CDYL: variants seen among roughly 807,000 people sequenced by gnomAD.
CDYL encodes chromodomain Y like.
In CDYL, 8 loss-of-function variants were observed where a neutral mutation model predicts 47.3. That is an observed-to-expected ratio of 0.17 (90% CI 0.10 to 0.31). The LOEUF (loss-of-function observed/expected upper bound fraction) is 0.31. CDYL is among the 10% of genes least tolerant of loss of function. CDYL has a pLI of 1.00. For missense variants in CDYL, 471 were observed against 701.4 expected, an observed-to-expected ratio of 0.67 and a Z score of 3.71; for synonymous variants, 266 against 265.0, an observed-to-expected ratio of 1.00 and a Z score of -0.04.
At chr6:4,828,876 C>CTGTT (rs150610332) in intron 1 of CDYL, among the ~76,000 whole-genome samples, 4,026 of 152,032 alleles carry the variant, frequency 0.026, 175 homozygotes, top group African/African-American at 0.091. Flanking sequence ...TAATTTTTTT[C>CTGTT]TGTTAAAAAC....
At chr6:4,708,056 T>G (rs1757077943) in intron 1 of CDYL, among the ~76,000 whole-genome samples, 1 of 152,200 alleles carries the variant, frequency 6.6e-6, no homozygotes, top group African/African-American at 2.4e-5. Flanking sequence ...CCTTGGAACT[T>G]ACTGAAACTT....
intron 5 of CDYL, among the ~76,000 whole-genome samples, chr6:4,950,801 G>C (rs1227143128): frequency 6.6e-6 from 1 of 152,020 alleles, no homozygotes. Context: ...GCGTGGTGGC[G>C]GGCGCCTGTA....
chr6:4,795,931 A>T (rs901047251), intron 1 of CDYL, among the ~76,000 whole-genome samples: 1 of 151,510 alleles, frequency 6.6e-6, no homozygotes, highest in Non-Finnish European at 1.5e-5. Context: ...TCACTTTCAG[A>T]TTTTTTTTCT....
chr6:4,888,853 T>C (rs1180384059), intron 1 of CDYL, among the ~76,000 whole-genome samples: 1 of 152,198 alleles, frequency 6.6e-6, no homozygotes, highest in Non-Finnish European at 1.5e-5. Context: ...AGGTGGCCCA[T>C]TGATTATTTA....
intron 1 of CDYL, among the ~76,000 whole-genome samples, chr6:4,802,630 T>C (rs1759257247): frequency 6.6e-6 from 1 of 152,206 alleles, no homozygotes; most frequent in African/African-American, 2.4e-5. Flanking sequence ...TTGATATTTT[T>C]AGTTTTGAAA....
chr6:4,917,567 A>T (rs1282539136), intron 2 of CDYL, among the ~76,000 whole-genome samples: 1 of 152,226 alleles, frequency 6.6e-6, no homozygotes, highest in African/African-American at 2.4e-5. Context: ...CTCAAGTTTA[A>T]ACTGTTTCTC....
intron 3 of CDYL, among the ~76,000 whole-genome samples, chr6:4,742,830 G>T (rs977659913): frequency 1.3e-5 from 2 of 152,218 alleles, no homozygotes; most frequent in Non-Finnish European, 2.9e-5. Context: ...TTGGAGATAG[G>T]ATCATCTTGA....
intron 2 of CDYL, among the ~76,000 whole-genome samples, chr6:4,934,861 C>T (rs767595459): frequency 6.6e-6 from 1 of 152,156 alleles, no homozygotes; most frequent in Non-Finnish European, 1.5e-5. Flanking sequence ...TGGCAGGATG[C>T]TTTATGTGGT....
intron 1 of CDYL, among the ~76,000 whole-genome samples, chr6:4,857,957 G>A (rs753127356): frequency 6.6e-6 from 1 of 152,132 alleles, no homozygotes; most frequent in Non-Finnish European, 1.5e-5. Context: ...GATTTGCCAA[G>A]TTGGATTGTA....
intron 1 of CDYL, among the ~76,000 whole-genome samples, chr6:4,881,593 T>C (rs1202792837): frequency 6.6e-6 from 1 of 152,240 alleles, no homozygotes; most frequent in Non-Finnish European, 1.5e-5. Flanking sequence ...TATAATTCAA[T>C]TGAGTTTTCT....
intron 5 of CDYL, among the ~76,000 whole-genome samples, chr6:4,946,269 A>G (rs1277244248): frequency 1.3e-5 from 2 of 151,896 alleles, no homozygotes; most frequent in South Asian, 2.1e-4. Context: ...CACGCTTCCC[A>G]TTCCTCCACC....
At chr6:4,917,059 T>A (rs1757577559) in intron 2 of CDYL, among the ~76,000 whole-genome samples, 1 of 151,690 alleles carries the variant, frequency 6.6e-6, no homozygotes, top group Admixed American at 6.6e-5. Flanking sequence ...AGGAAAACTG[T>A]TGCTTTTCTG....
intron 4 of CDYL, among the ~76,000 whole-genome samples, chr6:4,940,991 C>T (rs949189069): frequency 6.6e-6 from 1 of 152,224 alleles, no homozygotes; most frequent in Non-Finnish European, 1.5e-5. Context: ...GTCCCTACAT[C>T]TTATGTGATT....
chr6:4,874,907 G>T (rs2127475009), intron 1 of CDYL, among the ~76,000 whole-genome samples: 1 of 152,276 alleles, frequency 6.6e-6, no homozygotes, highest in Non-Finnish European at 1.5e-5. Flanking sequence ...GTGTTCCATT[G>T]TGTGAACATA....
At chr6:4,853,647 G>A (rs530841796) in intron 1 of CDYL, among the ~76,000 whole-genome samples, 1 of 152,168 alleles carries the variant, frequency 6.6e-6, no homozygotes, top group Non-Finnish European at 1.5e-5. Context: ...CCTGTCTCCT[G>A]CCTTTCTTCT....
chr6:4,885,044 A>C (rs1314207515), intron 1 of CDYL, among the ~76,000 whole-genome samples: 1 of 151,958 alleles, frequency 6.6e-6, no homozygotes. Flanking sequence ...CCCAGTCTGG[A>C]GTGCAGTGGT....
At chr6:4,909,245 A>T (rs1284674269) in intron 2 of CDYL, among the ~76,000 whole-genome samples, 1 of 152,222 alleles carries the variant, frequency 6.6e-6, no homozygotes, top group Non-Finnish European at 1.5e-5. Context: ...TATTGTAAAC[A>T]CTAGGGTAAT....
intron 2 of CDYL, among the ~76,000 whole-genome samples, chr6:4,910,079 A>G (rs1041961280): frequency 1.3e-5 from 2 of 151,168 alleles, no homozygotes; most frequent in Admixed American, 6.6e-5. Context: ...TTCTGGCCTC[A>G]GCACAGACGG....
chr6:4,828,124 A>G (rs1352744852), intron 1 of CDYL, among the ~76,000 whole-genome samples: 2 of 152,136 alleles, frequency 1.3e-5, no homozygotes, highest in African/African-American at 4.8e-5. Context: ...CATTTCTTTC[A>G]GGGAAAGTCT....
Sources: gnomAD v4.1 joint callset for allele counts (sites outside exome capture counted in the v4.1 genomes callset) on GRCh38, gnomAD v4.1.1 for gene constraint, MANE v1.5 for transcripts, NCBI Gene and HGNC (gene_info 2026-07-23, HGNC 2026-07-21) for gene names.